AKAP10: variants seen among roughly 807,000 people sequenced by gnomAD.
AKAP10 encodes A-kinase anchoring protein 10.
In AKAP10, 24 loss-of-function variants were observed where a neutral mutation model predicts 80.8. The observed-to-expected ratio is 0.30, with a 90% CI of 0.22 to 0.42. The LOEUF (loss-of-function observed/expected upper bound fraction) is 0.42. AKAP10 is among the 10% of genes least tolerant of loss of function. The pLI is 1.00. For synonymous variants in AKAP10, 291 were observed against 277.7 expected, an observed-to-expected ratio of 1.05 and a Z score of -0.48; for missense variants, 661 against 794.9, an observed-to-expected ratio of 0.83 and a Z score of 2.03.
In AKAP10 at chr17:19,925,731, G is replaced by A. The variant is rs560623073; in HGVS notation, c.1642-1214C>T. On this transcript the variant is annotated intron_variant, in intron 10 of 14. Transcript: ENST00000225737. The stretch of plus-strand genomic sequence containing the variant: ...GCAGGGGTGGGAGGGTAGGGAAAGC[G>A]GCTCTCATGTGTTGAGAAGGAACAA... Among the ~76,000 whole-genome samples the A allele has an allele frequency of 1.2e-3, 189 of 152,202 alleles. 6 individuals are homozygous for A. In the South Asian group the frequency reaches 0.038, roughly 30 times the overall value.
At chr17:19,923,391 T>C (rs978525498) in intron 11 of AKAP10, among the ~76,000 whole-genome samples, 11 of 152,068 alleles carry the variant, frequency 7.2e-5, no homozygotes, top group African/African-American at 2.4e-4. Flanking sequence ...TCCGTTATTT[T>C]CTAAAAGAAG....
chr17:19,944,890 G>T (rs2043087038), intron 5 of AKAP10, among the ~76,000 whole-genome samples: 1 of 152,098 alleles, frequency 6.6e-6, no homozygotes, highest in African/African-American at 2.4e-5. Flanking sequence ...AAAATCCAAG[G>T]ATTACATTTA....
chr17:19,941,078 C>A, intron 6 of AKAP10, 68 bp from the exon 7 acceptor site: 1 of 1,512,916 alleles, frequency 6.6e-7, no homozygotes, highest in East Asian at 2.3e-5. Context: ...GAAAAATATA[C>A]TCTTTCCATA....
chr17:19,971,590 T>C (rs140596576), intron 1 of AKAP10, among the ~76,000 whole-genome samples: 68 of 152,360 alleles, frequency 4.5e-4, no homozygotes, highest in Middle Eastern at 3.4e-3. Flanking sequence ...GACATGACTA[T>C]TGAACCAGTT....
At chr17:19,910,427 A>T (rs1280419475) in intron 12 of AKAP10, among the ~76,000 whole-genome samples, 1 of 152,126 alleles carries the variant, frequency 6.6e-6, no homozygotes, top group Non-Finnish European at 1.5e-5. Flanking sequence ...TGATACCCCA[A>T]AACACTAAGG....
intron 6 of AKAP10, 35 bp from the exon 7 acceptor site, chr17:19,941,045 G>T: frequency 6.3e-7 from 1 of 1,580,104 alleles, no homozygotes; most frequent in South Asian, 1.2e-5. Context: ...TTGAGGGAAC[G>T]ACCAAGGAAA....
At chr17:19,950,837 C>T (rs935841535) in intron 4 of AKAP10, among the ~76,000 whole-genome samples, 2 of 151,888 alleles carry the variant, frequency 1.3e-5, no homozygotes, top group African/African-American at 2.4e-5. Context: ...CACCTCTTCC[C>T]GGCTGCCATC....
At position 19,941,852 on chromosome 17, in the gene AKAP10, G is replaced by C; in HGVS notation, c.1035C>G (p.Ser345=). The part of the protein sequence containing the change: ...VDPNCFVLAQ[S]IVFSAMEQEH... ...CTTGCTCCATTGCACTAAAGACTATGGACTGTGCCAAAACGAAACAGTTGG... is the reference window on the plus strand; with the variant it reads ...CTTGCTCCATTGCACTAAAGACTATCGACTGTGCCAAAACGAAACAGTTGG... The change falls in exon 6 of 15, where the codon TCC becomes TCG. Residue 345 remains serine, a synonymous_variant. Transcript: ENST00000225737. 1 of 1,609,092 alleles carries C rather than the reference G, an allele frequency of 6.2e-7. No individual in the cohort carries two copies. Among genetic ancestry groups the C allele is most frequent in the South Asian group, 1.1e-5 (1 of 90,012 alleles).
At chr17:19,946,359 C>T (rs1447061696) in intron 5 of AKAP10, among the ~76,000 whole-genome samples, 3 of 129,280 alleles carry the variant, frequency 2.3e-5, no homozygotes, top group Admixed American at 8.3e-5. Flanking sequence ...AAAACACTGC[C>T]ACAGCACAGC....
intron 3 of AKAP10, among the ~76,000 whole-genome samples, chr17:19,962,291 C>CAT (rs747097698): frequency 1.3e-4 from 13 of 103,034 alleles, no homozygotes; most frequent in African/African-American, 3.6e-4. Flanking sequence ...TACATACATA[C>CAT]ATATACACAC....
chr17:19,969,237 T>C (rs1177278549), intron 1 of AKAP10, among the ~76,000 whole-genome samples: 1 of 152,086 alleles, frequency 6.6e-6, no homozygotes, highest in Non-Finnish European at 1.5e-5. Context: ...GCCCAGCTAC[T>C]TGGGAGGCTG....
Position 19,946,236 on chromosome 17 carries a change from ATTATATATATATAT to A in AKAP10, c.976+1157_976+1170del, listed in dbSNP as rs1190944316. Reference sequence around the variant, plus strand: ...ATATATATATTTTATATATATATATATTATATATATATATATATATATATATATATATATATATA... The same window carrying A: ...ATATATATATTTTATATATATATATAATATATATATATATATATATATATA... On this transcript the variant is annotated intron_variant, in intron 5 of 14. Coordinates refer to ENST00000225737, the MANE Select transcript of AKAP10 (RefSeq NM_007202.4). Among the ~76,000 whole-genome samples the A allele has an allele frequency of 1.7e-3, 38 of 22,774 alleles. 2 individuals carry two copies. The highest frequency in any genetic ancestry group is 4.3e-3 in the African/African-American group (29 of 6,764). 14.9% of individuals were successfully genotyped at this position (22,774 alleles called of 152,430 possible).
intron 10 of AKAP10, among the ~76,000 whole-genome samples, chr17:19,929,976 C>T (rs1486798004): frequency 1.0e-5 from 1 of 96,256 alleles, no homozygotes; most frequent in African/African-American, 4.0e-5. Context: ...GATGCTGTCT[C>T]AAACAATGAC....
intron 9 of AKAP10, among the ~76,000 whole-genome samples, chr17:19,932,958 G>A (rs1034919726): frequency 1.3e-5 from 2 of 152,020 alleles, no homozygotes; most frequent in African/African-American, 4.8e-5. Flanking sequence ...TAATAAACAT[G>A]AGAACTTATT....
At chr17:19,931,392 CTT>C (rs577953997) in intron 10 of AKAP10, among the ~76,000 whole-genome samples, 30 of 137,698 alleles carry the variant, frequency 2.2e-4, no homozygotes, top group Non-Finnish European at 1.6e-4. Flanking sequence ...TTATTTCTCT[CTT>C]TTTTTTTTTT....
chr17:19,965,750 A>G (rs2043408559), intron 2 of AKAP10, among the ~76,000 whole-genome samples: 1 of 152,210 alleles, frequency 6.6e-6, no homozygotes, highest in Admixed American at 6.5e-5. Flanking sequence ...TGCTTCACTC[A>G]GTTTGACTAA....
At chr17:19,911,832 T>TCA (rs1211702842) in intron 12 of AKAP10, among the ~76,000 whole-genome samples, 1 of 33,834 alleles carries the variant, frequency 3.0e-5, no homozygotes, top group Non-Finnish European at 5.9e-5. Flanking sequence ...CAAAACTCTG[T>TCA]CACAAAAAAA....
intron 10 of AKAP10, among the ~76,000 whole-genome samples, chr17:19,928,179 C>T (rs781181777): frequency 1.3e-5 from 2 of 151,746 alleles, no homozygotes; most frequent in Non-Finnish European, 2.9e-5. Context: ...GAGCTGAGAC[C>T]ACACCATTGT....
intron 12 of AKAP10, among the ~76,000 whole-genome samples, chr17:19,916,573 C>T (rs1464816185): frequency 6.6e-6 from 1 of 151,852 alleles, no homozygotes; most frequent in African/African-American, 2.4e-5. Context: ...TAACACTATG[C>T]TAACACATAT....
Sources: allele counts gnomAD v4.1 joint callset (sites outside exome capture counted in the v4.1 genomes callset), GRCh38; gene constraint gnomAD v4.1.1; transcripts MANE v1.5; gene names NCBI Gene and HGNC (gene_info 2026-07-23, HGNC 2026-07-21).